The following GNG7 variants were observed in gnomAD, a reference collection of about 807,000 sequenced individuals.
GNG7 encodes guanine nucleotide-binding protein G(I)/G(S)/G(O) subunit gamma-7.
GNG7 carries 1 observed loss-of-function variant against 4.0 expected under a neutral mutation model. The ratio of observed to expected loss-of-function variants is 0.25; its 90% CI spans 0.09 to 1.18. The LOEUF (loss-of-function observed/expected upper bound fraction) is 1.18. Among genes scored for constraint, GNG7 ranks in the 50% most tolerant of loss-of-function variants. The pLI is 0.50. For missense variants in GNG7, 86 were observed against 91.9 expected (o/e 0.94, Z 0.26); for synonymous variants, 34 against 36.9 (o/e 0.92, Z 0.29).
At chr19:2,672,942 C>T (rs1255273215) in intron 1 of GNG7, among the ~76,000 whole-genome samples, 1 of 152,030 alleles carries the variant, frequency 6.6e-6, no homozygotes, top group Non-Finnish European at 1.5e-5. Flanking sequence ...TTTTACAAAA[C>T]TCCTGACGAG....
rs1005501225 is a variant in GNG7, at chr19:2,536,949, T to A, written c.-37-16224A>T. Among the ~76,000 whole-genome samples, 9 of 146,402 alleles carry A rather than the reference T, an allele frequency of 6.1e-5. No homozygotes were observed. In the East Asian group the frequency reaches 1.4e-3, roughly 22 times the overall value. ...ATACATACATATTTTTATTTTTATT[T>A]TTATTTTTTTTTTTTGAGACGGAGT... On this transcript the variant is annotated intron_variant, in intron 3 of 4. Transcript: ENST00000382159.
At position 2,628,743 on chromosome 19, in the gene GNG7, G is replaced by A. The variant is rs563281914; in HGVS notation, c.-78+17481C>T. Among the ~76,000 whole-genome samples, 9 of 152,062 alleles carry A rather than the reference G, an allele frequency of 5.9e-5. 1 individual carries two copies. In the South Asian group the frequency reaches 8.3e-4, roughly 14 times the overall value. On this transcript the variant is annotated intron_variant, in intron 2 of 4. Coordinates refer to ENST00000382159, the MANE Select transcript of GNG7 (RefSeq NM_052847.3). ...TCTGTCTCTCTGAATTTGACACCTC[G>A]GGATGTGCTTCTGGTCTCTTTTATG...
intron 2 of GNG7, among the ~76,000 whole-genome samples, chr19:2,594,334 C>T (rs972983421): frequency 2.0e-5 from 3 of 151,390 alleles, no homozygotes; most frequent in Non-Finnish European, 4.4e-5. Context: ...GATATCACAC[C>T]ACTGCACTCC....
chr19:2,651,555 TTCTCTCTC>T (rs1023952463), intron 1 of GNG7, among the ~76,000 whole-genome samples: 1 of 140,804 alleles, frequency 7.1e-6, no homozygotes, highest in Non-Finnish European at 1.5e-5. Context: ...CTCTCTCCCT[TTCTCTCTC>T]TCTCTCTCTC....
intron 1 of GNG7, among the ~76,000 whole-genome samples, chr19:2,692,010 C>T (rs566734686): frequency 6.6e-6 from 1 of 152,320 alleles, no homozygotes; most frequent in South Asian, 2.1e-4. Context: ...GGCAGTACGC[C>T]TCCTTCCCTG....
intron 4 of GNG7, among the ~76,000 whole-genome samples, chr19:2,517,792 A>G (rs546106776): frequency 6.6e-6 from 1 of 152,306 alleles, no homozygotes; most frequent in Non-Finnish European, 1.5e-5. Context: ...GGTTACAGGC[A>G]TGAGCCGCCT....
chr19:2,516,244 A>G (rs909011956), intron 4 of GNG7, among the ~76,000 whole-genome samples: 15 of 151,816 alleles, frequency 9.9e-5, no homozygotes, highest in African/African-American at 2.9e-4. Context: ...AAATAAATAA[A>G]TTTATGTGTG....
At chr19:2,642,627 A>T (rs1393659542) in intron 2 of GNG7, 2 of 367,572 alleles carry the variant, frequency 5.4e-6, no homozygotes, top group Admixed American at 3.5e-5. Flanking sequence ...TCAGCCCCCC[A>T]CTAGCAGGGA....
chr19:2,603,582 T>A (rs1006849632), intron 2 of GNG7, among the ~76,000 whole-genome samples: 3 of 152,198 alleles, frequency 2.0e-5, no homozygotes. Flanking sequence ...CAGCCTGGAC[T>A]GGAGATCGAC....
chr19:2,657,361 AATATATAT>A (rs869231931), intron 1 of GNG7, among the ~76,000 whole-genome samples: 60 of 16,282 alleles, frequency 3.7e-3, no homozygotes, highest in Middle Eastern at 0.024. Flanking sequence ...AAAAAAAAAA[AATATATAT>A]ATATATATAT....
chr19:2,553,514 A>G (rs913525473), intron 3 of GNG7, among the ~76,000 whole-genome samples: 5 of 148,660 alleles, frequency 3.4e-5, no homozygotes, highest in African/African-American at 1.2e-4. Context: ...CTCATTACAT[A>G]TATGTACACA....
At chr19:2,672,050 C>CAAAA (rs528016536) in intron 1 of GNG7, among the ~76,000 whole-genome samples, 10 of 87,136 alleles carry the variant, frequency 1.1e-4, no homozygotes, top group East Asian at 3.9e-4. Context: ...GACTCCGTCT[C>CAAAA]AAAAAAAAAA....
chr19:2,518,244 C>A (rs1599369339), intron 4 of GNG7, among the ~76,000 whole-genome samples: 2 of 27,560 alleles, frequency 7.3e-5, no homozygotes, highest in South Asian at 2.1e-3. Flanking sequence ...AATCCTGGCT[C>A]CCCCCGAGGC....
chr19:2,638,419 GA>G (rs1982376646), intron 2 of GNG7, among the ~76,000 whole-genome samples: 10 of 88,130 alleles, frequency 1.1e-4, no homozygotes, highest in South Asian at 5.1e-4. Flanking sequence ...AGGGGGAGGG[GA>G]AGGGGAAGGA....
chr19:2,625,548 A>T (rs928890839), intron 2 of GNG7, among the ~76,000 whole-genome samples: 1 of 151,956 alleles, frequency 6.6e-6, no homozygotes, highest in Non-Finnish European at 1.5e-5. Context: ...GGTCACGGGG[A>T]TCAGGAAGCA....
chr19:2,687,083 G>T (rs1464989966), intron 1 of GNG7, among the ~76,000 whole-genome samples: 1 of 147,908 alleles, frequency 6.8e-6, no homozygotes. Flanking sequence ...TTTGAGACAA[G>T]GTCTGGCTCT....
intron 2 of GNG7, among the ~76,000 whole-genome samples, chr19:2,635,952 G>T (rs960618147): frequency 1.3e-5 from 2 of 152,208 alleles, no homozygotes; most frequent in African/African-American, 2.4e-5. Context: ...TGTCACAACT[G>T]GCGGGTGCAC....
rs1913049960 is a variant in GNG7 at position 2,688,323 on chromosome 19, G to A, written c.-135+14323C>T. 2.6e-5 allele frequency among the ~76,000 whole-genome samples: 4 copies of A among 152,186 alleles called. No individual in the cohort carries two copies. In the South Asian group the frequency reaches 8.3e-4, roughly 31 times the overall value. On this transcript the variant is annotated intron_variant, in intron 1 of 4. Coordinates refer to ENST00000382159, the MANE Select transcript of GNG7 (RefSeq NM_052847.3). ...TTGCCGTACGAAGGATGGAGTCGGT[G>A]TCAGTGCTCTGGGGAAGTGGGGAGT...
Position 2,512,833 on chromosome 19 carries a change from C to T in GNG7, c.*2189G>A, listed in dbSNP as rs990117689. 2.3e-5 allele frequency: 21 copies of T among 922,992 alleles called. No individual in the cohort carries two copies. The highest frequency in any genetic ancestry group is 5.4e-4 in the Middle Eastern group (1 of 1,840). The allele number at this position is 922,992 out of a possible 1,614,324, so 57.2% of individuals were successfully genotyped here. On this transcript the variant is annotated 3_prime_UTR_variant, in exon 5 of 5. Coordinates refer to ENST00000382159, the MANE Select transcript of GNG7 (RefSeq NM_052847.3). The surrounding 1 kb of genome is among the most constrained non-coding windows in gnomAD (Gnocchi z 4.7). Reference sequence around the variant, plus strand: ...GTGGAGGCAGGCGGGCTCTCCCTGCCTGGGGTCCTCCCAGGGTCTCTGGAA... The same window carrying T: ...GTGGAGGCAGGCGGGCTCTCCCTGCTTGGGGTCCTCCCAGGGTCTCTGGAA...
Sources: gnomAD v4.1 joint callset for allele counts (sites outside exome capture counted in the v4.1 genomes callset) on GRCh38, gnomAD v4.1.1 for gene constraint, Gnocchi (gnomAD v3.1) non-coding constraint, MANE v1.5 for transcripts, NCBI Gene and HGNC (gene_info 2026-07-23, HGNC 2026-07-21) for gene names.